The following EYS variants were observed in gnomAD, a reference collection of about 807,000 sequenced individuals.
EYS encodes the protein protein eyes shut homolog.
In EYS, 250 loss-of-function variants were observed where a neutral mutation model predicts 282.1. The observed-to-expected ratio is 0.89, with a 90% CI of 0.80 to 0.98. The LOEUF (loss-of-function observed/expected upper bound fraction) is 0.98. EYS is among the 50% of genes least tolerant of loss of function. The probability of loss-of-function intolerance (pLI) is 0.00; values close to 1 mark genes in which losing one functional copy is unlikely to be tolerated. For missense variants in EYS, 4,016 were observed against 3,709.0 expected, an observed-to-expected ratio of 1.08 and a Z score of -2.15; for synonymous variants, 1,355 against 1,282.9, an observed-to-expected ratio of 1.06 and a Z score of -1.20.
intron 26 of EYS, among the ~76,000 whole-genome samples, chr6:64,545,366 T>C (rs963628407): frequency 1.3e-5 from 2 of 152,156 alleles, no homozygotes; most frequent in African/African-American, 4.8e-5. Context: ...TGATGGGACG[T>C]ATCTCAAAAT....
intron 12 of EYS, among the ~76,000 whole-genome samples, chr6:65,102,836 T>G (rs1774932106): frequency 6.6e-6 from 1 of 151,404 alleles, no homozygotes; most frequent in African/African-American, 2.4e-5. Context: ...GCTATTAATT[T>G]CATTGGTCTT....
intron 31 of EYS, among the ~76,000 whole-genome samples, chr6:64,169,588 GGA>G (rs947207153): frequency 3.9e-5 from 6 of 152,094 alleles, no homozygotes; most frequent in Admixed American, 2.6e-4. Context: ...AAGCCCAGAT[GGA>G]GAGAGTTGAA....
At chr6:63,744,523 G>A in intron 41 of EYS, 1 of 151,202 alleles carries the variant, frequency 6.6e-6, no homozygotes, top group Non-Finnish European at 1.5e-5. Context: ...TTCTTCTATA[G>A]TTTTTAATGC....
chr6:64,503,645 C>G (rs935055739), intron 26 of EYS, among the ~76,000 whole-genome samples: 2 of 152,122 alleles, frequency 1.3e-5, no homozygotes, highest in African/African-American at 4.8e-5. Context: ...TGTCCTGAAA[C>G]AGCAGCATGG....
intron 22 of EYS, among the ~76,000 whole-genome samples, chr6:64,690,383 G>A (rs190055149): frequency 6.6e-6 from 1 of 152,272 alleles, no homozygotes; most frequent in Non-Finnish European, 1.5e-5. Context: ...GTTGGTGGGA[G>A]TGTAAACTAG....
intron 8 of EYS, among the ~76,000 whole-genome samples, chr6:65,368,478 T>C (rs1765006826): frequency 6.6e-6 from 1 of 151,584 alleles, no homozygotes; most frequent in South Asian, 2.1e-4. Flanking sequence ...GATAATACTA[T>C]TTAAGGTTGA....
At chr6:64,534,107 T>C (rs1035881156) in intron 26 of EYS, among the ~76,000 whole-genome samples, 1 of 151,704 alleles carries the variant, frequency 6.6e-6, no homozygotes, top group African/African-American at 2.4e-5. Flanking sequence ...CATATAAAAT[T>C]GTCAAAAATC....
At chr6:64,187,606 C>A (rs1308086892) in intron 31 of EYS, among the ~76,000 whole-genome samples, 1 of 152,036 alleles carries the variant, frequency 6.6e-6, no homozygotes, top group East Asian at 1.9e-4. Flanking sequence ...AATGAAGAAT[C>A]TTTTCTACCT....
intron 30 of EYS, among the ~76,000 whole-genome samples, chr6:64,295,490 G>GAAGAAAGAAGA (rs1554140727): frequency 3.5e-5 from 1 of 28,170 alleles, no homozygotes; most frequent in African/African-American, 2.9e-4. Context: ...AGAAGAAGAA[G>GAAGAAAGAAGA]AAGAAGAAAG....
At chr6:64,800,004 C>A (rs1251998164) in intron 22 of EYS, among the ~76,000 whole-genome samples, 4 of 151,860 alleles carry the variant, frequency 2.6e-5, no homozygotes, top group Admixed American at 2.0e-4. Flanking sequence ...CAATATAATC[C>A]TTTTATCTTC....
At position 65,572,322 on chromosome 6, in the gene EYS, T is replaced by G. The variant is rs374496155; in HGVS notation, c.-333+67456A>C. 5.3e-5 allele frequency among the ~76,000 whole-genome samples: 8 copies of G among 152,212 alleles called. No homozygotes were observed. The East Asian group carries it at 1.5e-3, about 29-fold the overall frequency. ...TATGTGAAACATAATGTTAAAAACT[T>G]TTAAAATACATGTCTTGGTTCTAGA... On this transcript the variant is annotated intron_variant, in intron 2 of 42. Transcript: ENST00000503581.
intron 18 of EYS, among the ~76,000 whole-genome samples, chr6:64,898,401 G>A (rs1367430975): frequency 6.6e-6 from 1 of 152,076 alleles, no homozygotes. Context: ...CCAAGAAAAT[G>A]CTGGGGGATT....
chr6:65,122,049 C>A (rs1019678919), intron 12 of EYS, among the ~76,000 whole-genome samples: 2 of 151,936 alleles, frequency 1.3e-5, no homozygotes, highest in African/African-American at 4.8e-5. Flanking sequence ...AAAATAGCCA[C>A]CTATGTCTTT....
At chr6:64,392,010 A>T (rs1449634650) in intron 28 of EYS, among the ~76,000 whole-genome samples, 1 of 151,762 alleles carries the variant, frequency 6.6e-6, no homozygotes, top group Non-Finnish European at 1.5e-5. Flanking sequence ...AAACCAACAA[A>T]CATCAAAAGA....
intron 35 of EYS, among the ~76,000 whole-genome samples, chr6:63,883,335 C>G (rs145215352): frequency 9.9e-5 from 15 of 152,282 alleles, no homozygotes; most frequent in African/African-American, 3.6e-4. Context: ...TTTAATGTAA[C>G]TATGCTGACA....
intron 22 of EYS, among the ~76,000 whole-genome samples, chr6:64,778,674 CA>C: frequency 6.6e-6 from 1 of 152,068 alleles, no homozygotes; most frequent in Non-Finnish European, 1.5e-5. Flanking sequence ...TCAAAATATA[CA>C]AAAACTCCTA....
chr6:64,217,336 C>T (rs375290246), intron 31 of EYS, among the ~76,000 whole-genome samples: 5 of 152,022 alleles, frequency 3.3e-5, no homozygotes, highest in Admixed American at 6.6e-5. Flanking sequence ...TGAGACCAGC[C>T]GGGTCAACAT....
intron 12 of EYS, among the ~76,000 whole-genome samples, chr6:65,216,639 G>GA (rs1403976166): frequency 6.6e-6 from 1 of 151,332 alleles, no homozygotes; most frequent in Non-Finnish European, 1.5e-5. Context: ...TAATTTCTAG[G>GA]AAAAACCTTT....
intron 2 of EYS, among the ~76,000 whole-genome samples, chr6:65,538,697 G>A (rs1004967729): frequency 7.2e-5 from 11 of 151,974 alleles, no homozygotes; most frequent in Non-Finnish European, 1.2e-4. Context: ...AAATATAGTC[G>A]CAACAATTCT....
Sources: allele counts gnomAD v4.1 joint callset (sites outside exome capture counted in the v4.1 genomes callset), GRCh38; gene constraint gnomAD v4.1.1; transcripts MANE v1.5; gene names NCBI Gene and HGNC (gene_info 2026-07-23, HGNC 2026-07-21).